NELL1: variants seen among roughly 807,000 people sequenced by gnomAD.
NELL1 encodes the protein protein kinase C-binding protein NELL1.
A neutral mutation model predicts 107.4 loss-of-function variants in NELL1; 76 were observed. The ratio of observed to expected loss-of-function variants is 0.71; its 90% CI spans 0.59 to 0.86. The LOEUF is 0.86. Ranked by LOEUF, NELL1 falls within the 40% of genes least tolerant of loss-of-function variation. The probability of loss-of-function intolerance (pLI) is 0.00; values close to 1 mark genes in which losing one functional copy is unlikely to be tolerated. For synonymous variants in NELL1, 353 were observed against 341.2 expected (o/e 1.03, Z -0.38); for missense variants, 1,024 against 1,005.5 (o/e 1.02, Z -0.25).
chr11:21,561,765 T>A (rs1020153689), intron 17 of NELL1, among the ~76,000 whole-genome samples: 2 of 152,062 alleles, frequency 1.3e-5, no homozygotes, highest in Non-Finnish European at 2.9e-5. Flanking sequence ...CTAGATTCCA[T>A]GTACTTCCTT....
intron 14 of NELL1, among the ~76,000 whole-genome samples, chr11:21,259,837 A>G (rs1858860924): frequency 1.3e-5 from 2 of 151,946 alleles, no homozygotes; most frequent in South Asian, 4.1e-4. Flanking sequence ...TCACCCTGTT[A>G]AGCAGATTTG....
At chr11:20,699,861 T>C (rs940787543) in intron 2 of NELL1, among the ~76,000 whole-genome samples, 3 of 152,206 alleles carry the variant, frequency 2.0e-5, no homozygotes, top group African/African-American at 7.2e-5. Context: ...TCCATACTGT[T>C]TTCCATAGTG....
intron 2 of NELL1, among the ~76,000 whole-genome samples, chr11:20,690,305 C>T (rs1369989093): frequency 1.1e-4 from 17 of 152,062 alleles, no homozygotes; most frequent in South Asian, 2.1e-4. Flanking sequence ...CATTTGTCAA[C>T]TTTGGCTTTT....
At chr11:21,495,064 G>C (rs1451279585) in intron 15 of NELL1, among the ~76,000 whole-genome samples, 1 of 152,018 alleles carries the variant, frequency 6.6e-6, no homozygotes, top group East Asian at 1.9e-4. Context: ...GAGTAAATCA[G>C]TTTTTCAAAG....
At chr11:20,701,470 C>G (rs1854785763) in intron 2 of NELL1, among the ~76,000 whole-genome samples, 1 of 152,112 alleles carries the variant, frequency 6.6e-6, no homozygotes, top group South Asian at 2.1e-4. Context: ...CCTGTTCACT[C>G]TGATGGTAGT....
chr11:21,422,846 C>T (rs902295429), intron 15 of NELL1, among the ~76,000 whole-genome samples: 4 of 151,970 alleles, frequency 2.6e-5, no homozygotes, highest in African/African-American at 9.7e-5. Flanking sequence ...GCAGTAATTA[C>T]ATTGAATGTA....
At chr11:20,772,307 G>A (rs1183235788) in intron 2 of NELL1, among the ~76,000 whole-genome samples, 1 of 152,072 alleles carries the variant, frequency 6.6e-6, no homozygotes, top group Non-Finnish European at 1.5e-5. Flanking sequence ...CTCGTGTTGG[G>A]GACTAGGGAA....
At position 21,398,740 on chromosome 11, in the gene NELL1, C is replaced by T. The variant is rs759461691; in HGVS notation, c.1645+27792C>T. 5.5e-4 allele frequency among the ~76,000 whole-genome samples: 84 copies of T among 151,644 alleles called. 1 individual carries two copies. The highest frequency in any genetic ancestry group is 3.2e-4 in the Non-Finnish European group (22 of 67,798). ...CTGAACAGAATTGAATTTTAAGTTC[C>T]TTTGTATAATGCTTAAAAATCTACT... is the stretch of plus-strand genomic sequence containing the variant. On this transcript the variant is annotated intron_variant, in intron 15 of 19. Transcript: ENST00000357134.
chr11:21,288,622 G>C (rs2133956555), intron 14 of NELL1, among the ~76,000 whole-genome samples: 1 of 152,290 alleles, frequency 6.6e-6, no homozygotes, highest in East Asian at 1.9e-4. Context: ...TTGCTTATCT[G>C]TGCAATAAAG....
intron 13 of NELL1, among the ~76,000 whole-genome samples, chr11:21,139,597 T>C (rs1471706909): frequency 2.0e-5 from 3 of 152,216 alleles, no homozygotes; most frequent in Non-Finnish European, 4.4e-5. Context: ...AGGGCATGAA[T>C]GTTTGTTGCT....
intron 13 of NELL1, among the ~76,000 whole-genome samples, chr11:21,137,136 G>A (rs1855761153): frequency 1.3e-5 from 2 of 152,138 alleles, no homozygotes; most frequent in African/African-American, 2.4e-5. Context: ...ATAAGTGAAT[G>A]GAAATACTGG....
chr11:21,293,537 T>C (rs527788372), intron 14 of NELL1, among the ~76,000 whole-genome samples: 10 of 152,076 alleles, frequency 6.6e-5, no homozygotes, highest in Non-Finnish European at 1.3e-4. Flanking sequence ...TCCTCAAGGA[T>C]CTAGAACCAG....
intron 12 of NELL1, among the ~76,000 whole-genome samples, chr11:21,108,118 A>G (rs1855014026): frequency 6.6e-6 from 1 of 152,168 alleles, no homozygotes; most frequent in Non-Finnish European, 1.5e-5. Flanking sequence ...TTAAATGTAC[A>G]CAGGGAGTGG....
chr11:21,200,981 T>C (rs1857256567), intron 13 of NELL1, among the ~76,000 whole-genome samples: 1 of 152,178 alleles, frequency 6.6e-6, no homozygotes, highest in Non-Finnish European at 1.5e-5. Context: ...TTCTGTTCCA[T>C]TGGTCTATAT....
chr11:21,364,138 T>A (rs1590870909), intron 14 of NELL1, among the ~76,000 whole-genome samples: 1 of 151,948 alleles, frequency 6.6e-6, no homozygotes, highest in Non-Finnish European at 1.5e-5. Flanking sequence ...AGGCCAGGCG[T>A]GGTGGCTCAC....
intron 2 of NELL1, among the ~76,000 whole-genome samples, chr11:20,776,579 A>G (rs1461794033): frequency 6.6e-6 from 1 of 152,306 alleles, no homozygotes; most frequent in Non-Finnish European, 1.5e-5. Flanking sequence ...TAAAGACAGG[A>G]ACCTGAGTTG....
At chr11:20,706,211 T>G (rs978057297) in intron 2 of NELL1, among the ~76,000 whole-genome samples, 1 of 152,150 alleles carries the variant, frequency 6.6e-6, no homozygotes, top group Admixed American at 6.5e-5. Context: ...TAAAGACACA[T>G]GCACACATAT....
At chr11:21,096,427 A>G (rs1854645163) in intron 12 of NELL1, among the ~76,000 whole-genome samples, 2 of 152,170 alleles carry the variant, frequency 1.3e-5, no homozygotes, top group African/African-American at 4.8e-5. Flanking sequence ...AGCAGCATCA[A>G]CTTTTCCAAA....
At chr11:21,386,148 G>C (rs1851739973) in intron 15 of NELL1, among the ~76,000 whole-genome samples, 1 of 151,144 alleles carries the variant, frequency 6.6e-6, no homozygotes, top group African/African-American at 2.4e-5. Flanking sequence ...ACCAACATTT[G>C]TTTAACTTCC....
Sources: gnomAD v4.1 joint callset for allele counts (sites outside exome capture counted in the v4.1 genomes callset) on GRCh38, gnomAD v4.1.1 for gene constraint, MANE v1.5 for transcripts, NCBI Gene and HGNC (gene_info 2026-07-23, HGNC 2026-07-21) for gene names.